The following PKNOX1 variants were observed in gnomAD, a reference collection of about 807,000 sequenced individuals.
PKNOX1 encodes the protein PBX/knotted 1 homeobox 1, also known as homeobox protein PKNOX1.
A neutral mutation model predicts 51.9 loss-of-function variants in PKNOX1; 15 were observed. That is an observed-to-expected ratio of 0.29 (90% confidence interval 0.19 to 0.45). PKNOX1 has a LOEUF of 0.45. Ranked by LOEUF, PKNOX1 falls within the 20% of genes least tolerant of loss-of-function variation. The probability of loss-of-function intolerance (pLI) is 1.00; values close to 1 mark genes in which losing one functional copy is unlikely to be tolerated. For synonymous variants in PKNOX1, 219 were observed against 211.1 expected (o/e 1.04, Z -0.32); for missense variants, 462 against 547.5 (o/e 0.84, Z 1.56).
intron 9 of PKNOX1, among the ~76,000 whole-genome samples, chr21:43,028,335 CTTCT>C (rs148091355): frequency 0.01 from 1,570 of 152,202 alleles, 7 homozygotes; most frequent in Non-Finnish European, 0.015. Context: ...GAAAGTCTTG[CTTCT>C]TTAACATTTT....
chr21:42,988,965 A>G (rs1270171093), intron 1 of PKNOX1, among the ~76,000 whole-genome samples: 1 of 115,938 alleles, frequency 8.6e-6, no homozygotes, highest in African/African-American at 3.5e-5. Flanking sequence ...CTGGATGAGG[A>G]CCCCCTCACT....
At chr21:42,987,195 A>G (rs2401150) in intron 1 of PKNOX1, among the ~76,000 whole-genome samples, 129,250 of 150,808 alleles carry the variant, frequency 0.86, 55,465 homozygotes, top group African/African-American at 0.88. Flanking sequence ...CAGCCTGACC[A>G]ACATGGAGAA....
rs1568908849 is a variant in PKNOX1 at position 43,032,301 on chromosome 21, C to T, written c.*2200C>T. 2.3e-6 allele frequency: 1 copy of T among 440,382 alleles called. No individual in the cohort carries two copies. Among genetic ancestry groups the T allele is most frequent in the Non-Finnish European group, 4.6e-6 (1 of 216,802 alleles). The allele number at this position is 440,382 out of a possible 1,614,324, so 27.3% of individuals were successfully genotyped here. On this transcript the variant is annotated 3_prime_UTR_variant, in exon 11 of 11. Coordinates refer to ENST00000291547, the MANE Select transcript of PKNOX1 (RefSeq NM_004571.5). ...AAAATAAGCACCCATGAAAGCCAGC[C>T]AGCCCTTCCTCCTTCCCTCACCACC... is the stretch of plus-strand genomic sequence containing the variant.
intron 6 of PKNOX1, 98 bp downstream of exon 6, chr21:43,017,105 C>A: frequency 2.6e-6 from 2 of 763,818 alleles, no homozygotes; most frequent in South Asian, 1.6e-5. Flanking sequence ...CAAGTTCATG[C>A]CATTTTCTAA....
intron 2 of PKNOX1, among the ~76,000 whole-genome samples, chr21:43,005,787 C>T (rs1003129831): frequency 5.3e-5 from 8 of 152,072 alleles, no homozygotes; most frequent in Non-Finnish European, 1.0e-4. Context: ...GTCTTTGCTC[C>T]GACCCCACTG....
intron 1 of PKNOX1, among the ~76,000 whole-genome samples, chr21:42,978,131 G>A (rs1234055399): frequency 2.0e-5 from 3 of 151,514 alleles, no homozygotes; most frequent in African/African-American, 7.3e-5. Flanking sequence ...TCAACCTCCC[G>A]AGTAGCTGGG....
chr21:43,029,488 C>T lies in PKNOX1; in HGVS notation c.1100-402C>T, dbSNP rs571061977. ...TGTTGCCCAGGCTGGAGTGCAATGG[C>T]GCAATCTCGGCTCACTGAAACCTCT... On this transcript the variant is annotated intron_variant, in intron 10 of 10. Transcript: ENST00000291547. Among the ~76,000 whole-genome samples, 6 of 129,518 alleles carry T rather than the reference C, an allele frequency of 4.6e-5. No individual in the cohort carries two copies. The South Asian group carries it at 1.3e-3, about 28-fold the overall frequency. The allele number at this position is 129,518 out of a possible 152,430, so 85.0% of individuals were successfully genotyped here.
chr21:42,995,494 A>C (rs1212162922), intron 1 of PKNOX1, among the ~76,000 whole-genome samples: 2 of 152,176 alleles, frequency 1.3e-5, no homozygotes, highest in Non-Finnish European at 2.9e-5. Flanking sequence ...CCTGGGCAAC[A>C]GAGTGAGACC....
intron 8 of PKNOX1, among the ~76,000 whole-genome samples, chr21:43,023,218 G>T (rs751676958): frequency 2.6e-5 from 4 of 151,908 alleles, no homozygotes; most frequent in Non-Finnish European, 5.9e-5. Flanking sequence ...TTTAAAGGGG[G>T]AGAACAGTAT....
At chr21:43,014,146 T>C (rs563906741) in intron 5 of PKNOX1, among the ~76,000 whole-genome samples, 8 of 150,898 alleles carry the variant, frequency 5.3e-5, no homozygotes, top group African/African-American at 1.7e-4. Context: ...CTCACCCTCC[T>C]GAGTAGCTGG....
chr21:42,976,389 T>C (rs2058997831), intron 1 of PKNOX1, among the ~76,000 whole-genome samples: 1 of 152,178 alleles, frequency 6.6e-6, no homozygotes. Context: ...ATCAGGGTGG[T>C]GGTGGCTGTG....
At chr21:42,991,345 T>C (rs1325275345) in intron 1 of PKNOX1, among the ~76,000 whole-genome samples, 2 of 149,474 alleles carry the variant, frequency 1.3e-5, no homozygotes, top group East Asian at 3.9e-4. Flanking sequence ...AAAAAAACCC[T>C]GAAAGCAAAA....
In PKNOX1 at chr21:43,028,838, G is replaced by T. The variant is rs550308736; in HGVS notation, c.1063G>T (p.Ala355Ser). The T allele has an allele frequency of 6.2e-7, 1 of 1,614,128 alleles. No individual in the cohort carries two copies. Among genetic ancestry groups the T allele is most frequent in the African/African-American group, 1.3e-5 (1 of 75,040 alleles). The change falls in exon 10 of 11, where the codon GCA becomes TCA. Residue 355 changes from alanine to serine, a missense_variant. By Grantham distance (99) the Ala-to-Ser change is moderately conservative (BLOSUM62 1). Transcript: ENST00000291547. ...FWPDSIASGV[A>S]QPPPSELTMS... is the part of the protein sequence containing the mutation. ...GCCTGATTCTATTGCATCAGGAGTC[G>T]CACAGCCACCGCCGAGCGAGCTCAC...
Position 43,024,639 on chromosome 21 carries a change from G to A in PKNOX1, c.850-232G>A, listed in dbSNP as rs1601303030. ...TATCGTCACCGCTGAACCGTTAAAC[G>A]TGGGGGGCGGTCTGCCTTGGCCTAT... is the stretch of plus-strand genomic sequence containing the variant. On this transcript the variant is annotated intron_variant, in intron 8 of 10. Coordinates refer to ENST00000291547, the MANE Select transcript of PKNOX1 (RefSeq NM_004571.5). The A allele has an allele frequency of 3.1e-5, 15 of 489,930 alleles. No individual in the cohort carries two copies. In the South Asian group the frequency reaches 3.4e-4, roughly 11 times the overall value. The allele number at this position is 489,930 out of a possible 1,614,324, so 30.3% of individuals were successfully genotyped here.
intron 1 of PKNOX1, among the ~76,000 whole-genome samples, chr21:42,998,219 G>A (rs184832088): frequency 6.6e-6 from 1 of 152,328 alleles, no homozygotes; most frequent in East Asian, 1.9e-4. Context: ...AGAAGCATGT[G>A]TGCAGGGGAG....
intron 1 of PKNOX1, among the ~76,000 whole-genome samples, chr21:42,975,879 C>G (rs1231018601): frequency 6.6e-6 from 1 of 152,244 alleles, no homozygotes; most frequent in Non-Finnish European, 1.5e-5. Flanking sequence ...TTAGTTAGGT[C>G]TACTTTCATG....
At chr21:42,984,764 T>C (rs184650775) in intron 1 of PKNOX1, among the ~76,000 whole-genome samples, 3 of 152,010 alleles carry the variant, frequency 2.0e-5, no homozygotes, top group Non-Finnish European at 4.4e-5. Flanking sequence ...TTTGATACTT[T>C]CTGTGTTTTG....
At chr21:43,003,101 A>G (rs555418203) in intron 1 of PKNOX1, among the ~76,000 whole-genome samples, 6 of 152,180 alleles carry the variant, frequency 3.9e-5, no homozygotes, top group African/African-American at 1.4e-4. Context: ...TCCATTTAAC[A>G]CTGTCTCCTA....
At chr21:42,981,382 G>A (rs4920026) in intron 1 of PKNOX1, among the ~76,000 whole-genome samples, 5,785 of 152,244 alleles carry the variant, frequency 0.038, 138 homozygotes, top group Middle Eastern at 0.061. Flanking sequence ...AGCCCCTGCC[G>A]GTTTAGTTAC....
Sources: gnomAD v4.1 joint callset for allele counts (sites outside exome capture counted in the v4.1 genomes callset) on GRCh38, gnomAD v4.1.1 for gene constraint, MANE v1.5 for transcripts, NCBI Gene and HGNC (gene_info 2026-07-23, HGNC 2026-07-21) for gene names.